The following RIMS3 variants were observed in gnomAD, a reference collection of about 807,000 sequenced individuals.
RIMS3 encodes regulating synaptic membrane exocytosis protein 3.
In RIMS3, 15 loss-of-function variants were observed where a neutral mutation model predicts 29.2. The ratio of observed to expected loss-of-function variants is 0.51; its 90% CI spans 0.34 to 0.79. The LOEUF is 0.79. Ranked by LOEUF, RIMS3 falls within the 30% of genes least tolerant of loss-of-function variation. The pLI, the probability that RIMS3 is intolerant of heterozygous loss-of-function variation, is 0.01. For missense variants in RIMS3, 342 were observed against 421.4 expected (o/e 0.81, Z 1.65); for synonymous variants, 161 against 170.1 (o/e 0.95, Z 0.41).
the RIMS3 span, among the ~76,000 whole-genome samples, chr1:40,672,184 T>C: frequency 1.1e-4 from 16 of 149,056 alleles, no homozygotes; most frequent in Admixed American, 1.1e-3. Flanking sequence ...AGGTAGGAGA[T>C]AGCTAGATGA....
chr1:40,641,543 C>T (rs1365989586), intron 3 of RIMS3, among the ~76,000 whole-genome samples, 166 bp downstream of exon 3: 1 of 152,216 alleles, frequency 6.6e-6, no homozygotes, highest in Non-Finnish European at 1.5e-5. Context: ...GAGATTTAAT[C>T]AGTCCATACA....
the RIMS3 span, among the ~76,000 whole-genome samples, chr1:40,672,984 A>C: frequency 2.0e-5 from 3 of 152,184 alleles, no homozygotes; most frequent in African/African-American, 7.2e-5. Context: ...GTTCAAGACC[A>C]ATCTGACCAA....
intron 1 of RIMS3, among the ~76,000 whole-genome samples, chr1:40,656,022 A>G (rs1642267748): frequency 6.6e-6 from 1 of 152,074 alleles, no homozygotes; most frequent in Non-Finnish European, 1.5e-5. Flanking sequence ...AAACAAACAA[A>G]CAAACAAAAC....
chr1:40,690,040 T>C, the RIMS3 span, among the ~76,000 whole-genome samples: 4 of 152,220 alleles, frequency 2.6e-5, no homozygotes, highest in South Asian at 8.3e-4. Context: ...ATTTCCTCTA[T>C]GTAGATTTTT....
At position 40,629,644 on chromosome 1, in the gene RIMS3, G is replaced by A. The variant is rs545623947; in HGVS notation, c.473-272C>T. Among the ~76,000 whole-genome samples the A allele has an allele frequency of 2.0e-5, 3 of 152,320 alleles. No homozygotes were observed. In the East Asian group the frequency reaches 5.8e-4, roughly 29 times the overall value. On this transcript the variant is annotated intron_variant, in intron 5 of 7. Transcript: ENST00000372684. ...ACAGATGGCTGCCAAACCCCCATTT[G>A]TGTCTGGCTAACTGAGAGGCTTCTG...
In RIMS3 at chr1:40,623,425, G is replaced by A; in HGVS notation, c.*3092C>T. 1 of 398,632 alleles carries A rather than the reference G, an allele frequency of 2.5e-6. No homozygotes were observed. Among genetic ancestry groups the A allele is most frequent in the Middle Eastern group, 6.3e-4 (1 of 1,588 alleles). The allele number at this position is 398,632 out of a possible 1,614,324, so 24.7% of individuals were successfully genotyped here. ...AGAAATACAAAGACAGACGCTCTGA[G>A]TCATCCATCACTGTCCCTGCCCACA... On this transcript the variant is annotated 3_prime_UTR_variant, in exon 8 of 8. Transcript: ENST00000372684.
At chr1:40,641,245 T>C (rs946493336) in intron 3 of RIMS3, among the ~76,000 whole-genome samples, 3 of 152,176 alleles carry the variant, frequency 2.0e-5, no homozygotes, top group Non-Finnish European at 4.4e-5. Context: ...AGTGCTGGGA[T>C]TATAGGTGTG....
chr1:40,628,861 C>T lies in RIMS3; in HGVS notation c.663G>A (p.Leu221=), dbSNP rs1646470756. 1.2e-6 allele frequency: 2 copies of T among 1,614,054 alleles called. No individual in the cohort carries two copies. The highest frequency in any genetic ancestry group is 1.7e-5 in the Admixed American group (1 of 60,002). ...CGTCAAAGAGCAGAGCCTGCTGGTA[C>T]AGGGGATCACAGGTCTTCTTGGTCA... The part of the protein sequence containing the change: ...TKMTKKTCDP[L]YQQALLFDEG... The change falls in exon 7 of 8, where the codon CTG becomes CTA. Residue 221 remains leucine (L), a synonymous_variant. Transcript: ENST00000372684.
chr1:40,641,872 C>T lies in RIMS3; in HGVS notation c.54G>A (p.Val18=), dbSNP rs1646560083. 6.2e-7 allele frequency: 1 copy of T among 1,613,676 alleles called. No individual in the cohort carries two copies. The highest frequency in any genetic ancestry group is 8.5e-7 in the Non-Finnish European group (1 of 1,179,582). ...TTTCACCGCTAATGCTGGAGCTCCGCACCACATTCCTGGAGGCCCCAGATG... is the reference window on the plus strand; with the variant it reads ...TTTCACCGCTAATGCTGGAGCTCCGTACCACATTCCTGGAGGCCCCAGATG... ...PASSGASRNV[V]RSSSISGEIC... Residue 18 remains valine, a synonymous_variant, in exon 3 of 8, where the codon GTG becomes GTA. Transcript: ENST00000372684.
upstream of RIMS3, among the ~76,000 whole-genome samples, chr1:40,668,319 G>T (rs1351344730): frequency 2.0e-5 from 3 of 151,652 alleles, no homozygotes. Context: ...CTACCAGGGA[G>T]GCTGAAGTGG....
the RIMS3 span, among the ~76,000 whole-genome samples, chr1:40,689,255 T>C: frequency 6.6e-6 from 1 of 152,314 alleles, no homozygotes; most frequent in East Asian, 1.9e-4. Flanking sequence ...AGCTCATAAA[T>C]TTCTGCTCAG....
the RIMS3 span, among the ~76,000 whole-genome samples, chr1:40,686,652 G>A: frequency 2.0e-5 from 3 of 152,094 alleles, no homozygotes; most frequent in Admixed American, 6.5e-5. Flanking sequence ...ATGAGACTCC[G>A]TCTCAAAAAC....
chr1:40,687,881 T>C, the RIMS3 span, among the ~76,000 whole-genome samples: 14 of 152,198 alleles, frequency 9.2e-5, no homozygotes, highest in African/African-American at 1.2e-4. Context: ...AAATCTTTCC[T>C]GAACTCCTCC....
the RIMS3 span, among the ~76,000 whole-genome samples, chr1:40,688,076 T>C: frequency 6.6e-6 from 1 of 152,174 alleles, no homozygotes; most frequent in Admixed American, 6.5e-5. Flanking sequence ...GTGATTCTCC[T>C]GCCTCAGCCT....
intron 1 of RIMS3, among the ~76,000 whole-genome samples, chr1:40,656,199 A>T (rs924731204): frequency 5.9e-5 from 9 of 152,190 alleles, no homozygotes; most frequent in African/African-American, 2.2e-4. Context: ...AGGCCTCTAC[A>T]CTCCAGCCTG....
intron 5 of RIMS3, among the ~76,000 whole-genome samples, chr1:40,632,421 TATATATATA>T (rs1557667056): frequency 1.6e-4 from 1 of 6,316 alleles, no homozygotes; most frequent in Non-Finnish European, 3.5e-4. Flanking sequence ...TATAAATTTA[TATATATATA>T]TATATATATA....
In RIMS3 at chr1:40,636,271, G is replaced by C. The variant is rs1646519200; in HGVS notation, c.218-214C>G. Among the ~76,000 whole-genome samples the C allele has an allele frequency of 6.6e-6, 1 of 152,196 alleles. No homozygotes were observed. Among genetic ancestry groups the C allele is most frequent in the Non-Finnish European group, 1.5e-5 (1 of 68,026 alleles). ...CCTGCTCCGGGCAGTGACACTGACA[G>C]AGCAGACTAGAAAGATGGCTGCAGG... On this transcript the variant is annotated intron_variant, in intron 3 of 7. Transcript: ENST00000372684. This position sits in a 1 kb window ranked among gnomAD's most constrained non-coding sequence, Gnocchi z 4.2.
chr1:40,674,804 C>T, the RIMS3 span, among the ~76,000 whole-genome samples: 86 of 152,310 alleles, frequency 5.6e-4, 2 homozygotes, highest in East Asian at 0.011. Context: ...CACCCCTAAA[C>T]CTTAGACTTA....
At chr1:40,682,352 G>A in the RIMS3 span, among the ~76,000 whole-genome samples, 5 of 152,126 alleles carry the variant, frequency 3.3e-5, no homozygotes, top group East Asian at 9.6e-4. Flanking sequence ...TCTAGCCACA[G>A]TGTAAGTGCT....
Sources: gnomAD v4.1 joint callset for allele counts (sites outside exome capture counted in the v4.1 genomes callset) on GRCh38, gnomAD v4.1.1 for gene constraint, Gnocchi (gnomAD v3.1) non-coding constraint, MANE v1.5 for transcripts, NCBI Gene and HGNC (gene_info 2026-07-23, HGNC 2026-07-21) for gene names.